The following ADGRL3 variants were observed in gnomAD, a reference collection of about 807,000 sequenced individuals.
The protein encoded by ADGRL3 is adhesion G protein-coupled receptor L3, also known as calcium-independent alpha-latrotoxin receptor 3.
Under a neutral mutation model 153.5 loss-of-function variants are expected in ADGRL3, and 62 were observed. The ratio of observed to expected loss-of-function variants is 0.40; its 90% confidence interval spans 0.33 to 0.50. ADGRL3 has a LOEUF of 0.50. Ranked by LOEUF, ADGRL3 falls within the 20% of genes least tolerant of loss-of-function variation. The probability of loss-of-function intolerance (pLI) is 0.47; values close to 1 mark genes in which losing one functional copy is unlikely to be tolerated. For missense variants in ADGRL3, 1,641 were observed against 1,859.4 expected, an observed-to-expected ratio of 0.88 and a Z score of 2.16; for synonymous variants, 710 against 672.5, an observed-to-expected ratio of 1.06 and a Z score of -0.86.
At chr4:61,640,036 A>G (rs2093596021) in intron 5 of ADGRL3, among the ~76,000 whole-genome samples, 1 of 152,102 alleles carries the variant, frequency 6.6e-6, no homozygotes, top group Non-Finnish European at 1.5e-5. Flanking sequence ...AGTTAAGAGT[A>G]TAATATTCTT....
chr4:61,948,418 A>T (rs1441230784), intron 17 of ADGRL3, 142 bp downstream of exon 17: 8 of 566,244 alleles, frequency 1.4e-5, no homozygotes, highest in Non-Finnish European at 2.4e-5. Context: ...CTGATGTTCA[A>T]ACCATATCCT....
At chr4:61,478,616 C>A (rs1043320998) in intron 2 of ADGRL3, among the ~76,000 whole-genome samples, 2 of 152,018 alleles carry the variant, frequency 1.3e-5, no homozygotes, top group African/African-American at 2.4e-5. Flanking sequence ...TCTACAAAAT[C>A]TGGGCAATCC....
intron 21 of ADGRL3, among the ~76,000 whole-genome samples, chr4:62,020,284 G>C (rs1203768760): frequency 2.6e-5 from 4 of 152,040 alleles, no homozygotes; most frequent in African/African-American, 9.7e-5. Flanking sequence ...TTAAAAGTTT[G>C]TATATTCTCT....
At chr4:61,954,685 C>T (rs976436670) in intron 17 of ADGRL3, among the ~76,000 whole-genome samples, 5 of 152,048 alleles carry the variant, frequency 3.3e-5, no homozygotes, top group African/African-American at 1.2e-4. Context: ...CAGATGTGTC[C>T]TAGTTAGACC....
chr4:61,846,956 G>C (rs985794608), intron 9 of ADGRL3, among the ~76,000 whole-genome samples: 29 of 150,586 alleles, frequency 1.9e-4, no homozygotes, highest in African/African-American at 6.9e-4. Flanking sequence ...TTATGTGTGT[G>C]TGTGTGTGTG....
intron 5 of ADGRL3, among the ~76,000 whole-genome samples, chr4:61,625,441 T>C (rs1235782232): frequency 6.6e-6 from 1 of 152,118 alleles, no homozygotes; most frequent in East Asian, 1.9e-4. Flanking sequence ...TATAAATATA[T>C]GCACACATGT....
At position 62,071,796 on chromosome 4, in the gene ADGRL3, A is replaced by G; in HGVS notation, c.*888A>G. ...AAATTTCGCCTGGCAAAAAATAAAT[A>G]AATGGAACTATCACTTTATAAGAAT... On this transcript the variant is annotated 3_prime_UTR_variant, in exon 27 of 27. Coordinates refer to ENST00000683033, the MANE Select transcript of ADGRL3 (RefSeq NM_001387552.1). 1 of 403,062 alleles carries G rather than the reference A, an allele frequency of 2.5e-6. No individual in the cohort carries two copies. The highest frequency in any genetic ancestry group is 4.8e-6 in the Non-Finnish European group (1 of 210,210). The allele number at this position is 403,062 out of a possible 1,614,324, so 25.0% of individuals were successfully genotyped here.
intron 8 of ADGRL3, among the ~76,000 whole-genome samples, chr4:61,735,854 A>G (rs914707815): frequency 2.9e-4 from 44 of 152,254 alleles, no homozygotes; most frequent in Non-Finnish European, 5.6e-4. Context: ...TTCTTAACTC[A>G]GTTTTATTAA....
At chr4:61,372,367 A>G (rs1013311007) in intron 1 of ADGRL3, among the ~76,000 whole-genome samples, 1 of 151,632 alleles carries the variant, frequency 6.6e-6, no homozygotes, top group African/African-American at 2.4e-5. Flanking sequence ...GGTTTTATCT[A>G]CTTTTGGTCT....
chr4:61,393,943 A>G (rs951003675), intron 2 of ADGRL3, among the ~76,000 whole-genome samples: 2 of 152,140 alleles, frequency 1.3e-5, no homozygotes, highest in African/African-American at 4.8e-5. Context: ...CTACAGAAAC[A>G]TGTACTGCTA....
chr4:61,691,013 A>G (rs2095530336), intron 6 of ADGRL3, among the ~76,000 whole-genome samples: 2 of 152,206 alleles, frequency 1.3e-5, no homozygotes, highest in Admixed American at 6.5e-5. Flanking sequence ...CTCATTAATT[A>G]TGAATGACTG....
chr4:61,752,055 G>A (rs1290276302), intron 8 of ADGRL3, among the ~76,000 whole-genome samples: 1 of 152,118 alleles, frequency 6.6e-6, no homozygotes, highest in African/African-American at 2.4e-5. Context: ...AAAGTGAGGA[G>A]TGCTTATATA....
intron 9 of ADGRL3, among the ~76,000 whole-genome samples, chr4:61,829,031 T>A (rs1453173561): frequency 6.6e-6 from 1 of 152,214 alleles, no homozygotes; most frequent in African/African-American, 2.4e-5. Flanking sequence ...TGGGCCAGAC[T>A]TAAGACAAGC....
rs1205412554 is a variant in ADGRL3, at chr4:61,934,943, A to G, written c.2216A>G (p.His739Arg). 5 of 1,613,880 alleles carry G rather than the reference A, an allele frequency of 3.1e-6. No individual in the cohort carries two copies. In the Admixed American group the frequency reaches 5.0e-5, roughly 16 times the overall value. ...CTGCGTGCGGCCACCATGTTGCTTC[A>G]TACTGTGGAGGAAAGTGCTTTTGTG... ...DQLRAATMLL[H>R]TVEESAFVLA... The change falls in exon 14 of 27, where the codon CAT (histidine) becomes CGT (arginine). Residue 739 changes from histidine (H) to arginine (R), a missense_variant. Coordinates refer to ENST00000683033, the MANE Select transcript of ADGRL3 (RefSeq NM_001387552.1).
intron 9 of ADGRL3, among the ~76,000 whole-genome samples, chr4:61,852,609 C>T (rs941985009): frequency 5.3e-5 from 8 of 152,150 alleles, no homozygotes; most frequent in Non-Finnish European, 1.2e-4. Flanking sequence ...GCCATAGCTC[C>T]TGGCCTATTT....
At chr4:61,457,897 G>GATAGATAT (rs1304091102) in intron 2 of ADGRL3, among the ~76,000 whole-genome samples, 2 of 151,178 alleles carry the variant, frequency 1.3e-5, no homozygotes, top group Non-Finnish European at 3.0e-5. Context: ...TAGATAGATA[G>GATAGATAT]ATAGATGCAG....
At chr4:61,447,473 C>T (rs149037622) in intron 2 of ADGRL3, among the ~76,000 whole-genome samples, 7 of 152,108 alleles carry the variant, frequency 4.6e-5, no homozygotes, top group South Asian at 2.1e-4. Flanking sequence ...TTGATATGAT[C>T]GAGAGTTGAC....
In ADGRL3 at chr4:61,899,998, C is replaced by T. The variant is rs150146061; in HGVS notation, c.1887+4164C>T. ...TTTGGAAGGACACAAACATTCAGAC[C>T]GTGCAACCTCCTTCTCATCTTTACA... On this transcript the variant is annotated intron_variant, in intron 11 of 26. Coordinates refer to ENST00000683033, the MANE Select transcript of ADGRL3 (RefSeq NM_001387552.1). Among the ~76,000 whole-genome samples the T allele has an allele frequency of 7.9e-5, 12 of 152,242 alleles. No homozygotes were observed. In the East Asian group the frequency reaches 1.5e-3, roughly 20 times the overall value.
intron 6 of ADGRL3, among the ~76,000 whole-genome samples, chr4:61,683,114 AT>A (rs34187412): frequency 0.31 from 43,830 of 140,934 alleles, 7,368 homozygotes; most frequent in Middle Eastern, 0.43. Flanking sequence ...CAAGAGCTGT[AT>A]TTTTTTTTTT....
Sources: gnomAD v4.1 joint callset for allele counts (sites outside exome capture counted in the v4.1 genomes callset) on GRCh38, gnomAD v4.1.1 for gene constraint, MANE v1.5 for transcripts, NCBI Gene and HGNC (gene_info 2026-07-23, HGNC 2026-07-21) for gene names.